Variants in ILRUN observed in about 807,000 individuals in gnomAD.
ILRUN encodes the protein inflammation and lipid regulator with UBA-like and NBR1-like domains.
Under a neutral mutation model 33.8 loss-of-function variants are expected in ILRUN, and 3 were observed. The ratio of observed to expected loss-of-function variants is 0.09; its 90% CI spans 0.04 to 0.23. The LOEUF is 0.23. Among genes scored for constraint, ILRUN ranks in the 10% least tolerant of loss-of-function variants. The pLI, the probability that ILRUN is intolerant of heterozygous loss-of-function variation, is 1.00. For missense variants in ILRUN, 210 were observed against 375.1 expected, an observed-to-expected ratio of 0.56 and a Z score of 3.64; for synonymous variants, 124 against 138.9, an observed-to-expected ratio of 0.89 and a Z score of 0.75.
At chr6:34,675,965 G>A (rs945596210) in intron 1 of ILRUN, among the ~76,000 whole-genome samples, 1 of 152,140 alleles carries the variant, frequency 6.6e-6, no homozygotes, top group Non-Finnish European at 1.5e-5. Flanking sequence ...TAAGAGTGTA[G>A]CAAAACTCTT....
rs181430984 is a variant in ILRUN at position 34,598,844 on chromosome 6, G to A, written c.861+7711C>T. 1.2e-3 allele frequency among the ~76,000 whole-genome samples: 180 copies of A among 152,290 alleles called. 1 individual carries two copies. Among genetic ancestry groups the A allele is most frequent in the Non-Finnish European group, 2.0e-3 (137 of 68,036 alleles). On this transcript the variant is annotated intron_variant, in intron 4 of 4. Transcript: ENST00000374023. ...CCAATGTAAACACCAGCAAGGCTGCGAGGACTTTACTGGCTCTTCTGGGTT... is the reference window on the plus strand; with the variant it reads ...CCAATGTAAACACCAGCAAGGCTGCAAGGACTTTACTGGCTCTTCTGGGTT...
At chr6:34,663,363 C>G (rs563350946) in intron 1 of ILRUN, among the ~76,000 whole-genome samples, 1 of 152,270 alleles carries the variant, frequency 6.6e-6, no homozygotes, top group Non-Finnish European at 1.5e-5. Flanking sequence ...GTTGAGGCTG[C>G]AGTGAGCTAT....
intron 1 of ILRUN, among the ~76,000 whole-genome samples, chr6:34,680,493 C>A (rs1763336544): frequency 6.6e-6 from 1 of 151,974 alleles, no homozygotes; most frequent in Admixed American, 6.6e-5. Context: ...GAGACAGAGT[C>A]TCGCTCTGCT....
intron 1 of ILRUN, among the ~76,000 whole-genome samples, chr6:34,676,294 G>A (rs901193295): frequency 1.3e-5 from 2 of 151,918 alleles, no homozygotes; most frequent in Non-Finnish European, 2.9e-5. Context: ...AGCTACTAGG[G>A]AGGCTGAGGC....
chr6:34,667,782 T>C (rs1763034904), intron 1 of ILRUN, among the ~76,000 whole-genome samples: 1 of 152,180 alleles, frequency 6.6e-6, no homozygotes, highest in Non-Finnish European at 1.5e-5. Context: ...ACACTCCGAC[T>C]GGCATAAACT....
rs1763779081 is a variant in ILRUN at position 34,696,445 on chromosome 6, C to T, written c.158+1G>A. 1 of 1,563,156 alleles carries T rather than the reference C, an allele frequency of 6.4e-7. No homozygotes were observed. The highest frequency in any genetic ancestry group is 1.4e-5 in the African/African-American group (1 of 73,576). On this transcript the variant is annotated splice_donor_variant, in intron 1 of 4. Coordinates refer to ENST00000374023, the MANE Select transcript of ILRUN (RefSeq NM_024294.4). LOFTEE classifies it high-confidence loss of function. ...GCGCTGGCACTGCGGGGCCGGCTCA[C>T]CAGTTGGTCATGTCCAGGAAGAAGG...
intron 4 of ILRUN, among the ~76,000 whole-genome samples, chr6:34,593,631 T>G (rs1000328324): frequency 6.6e-6 from 1 of 152,210 alleles, no homozygotes; most frequent in African/African-American, 2.4e-5. Flanking sequence ...AGCTACCTAA[T>G]TCTCTTTCAC....
chr6:34,687,844 A>G (rs1411592472), intron 1 of ILRUN, among the ~76,000 whole-genome samples: 1 of 151,950 alleles, frequency 6.6e-6, no homozygotes, highest in East Asian at 1.9e-4. Flanking sequence ...GGAATGTAAA[A>G]TGATTCAGCC....
At chr6:34,648,273 G>C (rs980288376) in intron 2 of ILRUN, among the ~76,000 whole-genome samples, 3 of 152,128 alleles carry the variant, frequency 2.0e-5, no homozygotes, top group African/African-American at 7.2e-5. Flanking sequence ...GAGGGTGCTT[G>C]TCATTTATCT....
chr6:34,607,582 G>T lies in ILRUN; in HGVS notation c.512-678C>A, dbSNP rs1761661681. Among the ~76,000 whole-genome samples the T allele has an allele frequency of 2.0e-5, 3 of 152,134 alleles. No homozygotes were observed. The South Asian group carries it at 6.2e-4, about 32-fold the overall frequency. ...GTCATACAGTCATGCATTGCTTAATGAAGAAGATATGTTCTGAGAAATGTA... is the reference window on the plus strand; with the variant it reads ...GTCATACAGTCATGCATTGCTTAATTAAGAAGATATGTTCTGAGAAATGTA... On this transcript the variant is annotated intron_variant, in intron 3 of 4. Transcript: ENST00000374023.
chr6:34,665,627 T>G lies in ILRUN; in HGVS notation c.159-10848A>C, dbSNP rs557938789. On this transcript the variant is annotated intron_variant, in intron 1 of 4. Transcript: ENST00000374023. ...TAATTATAATAGAGATAGGGTCTTG[T>G]TACATTTCACAGGCTGGTTTCGAAC... Among the ~76,000 whole-genome samples the G allele has an allele frequency of 4.6e-5, 7 of 152,142 alleles. No individual in the cohort carries two copies. The South Asian group carries it at 1.5e-3, about 32-fold the overall frequency.
chr6:34,595,387 A>G (rs205262), intron 4 of ILRUN, among the ~76,000 whole-genome samples: 56,860 of 152,128 alleles, frequency 0.37, 12,929 homozygotes, highest in African/African-American at 0.65. Flanking sequence ...ACAGGCAATC[A>G]TTCCATTTCA....
chr6:34,644,325 C>G lies in ILRUN; in HGVS notation c.511+2276G>C, dbSNP rs572810381. On this transcript the variant is annotated intron_variant, in intron 3 of 4. Coordinates refer to ENST00000374023, the MANE Select transcript of ILRUN (RefSeq NM_024294.4). The stretch of plus-strand genomic sequence containing the variant: ...ATTTACTAAGTAGCTATTCTCCATT[C>G]TGCATTAAGCTCAACATTTTTGAGT... 1.1e-3 allele frequency among the ~76,000 whole-genome samples: 167 copies of G among 152,258 alleles called. 1 individual carries two copies. Among genetic ancestry groups the G allele is most frequent in the African/African-American group, 3.8e-3 (158 of 41,532 alleles).
chr6:34,590,367 G>C lies in ILRUN; in HGVS notation c.*198C>G, dbSNP rs1761271136. Reference sequence around the variant, plus strand: ...TCTTGGTAGCCTCAACACCATTCCTGTGATTCAGCATTCACACATGCATAC... The same window carrying C: ...TCTTGGTAGCCTCAACACCATTCCTCTGATTCAGCATTCACACATGCATAC... On this transcript the variant is annotated 3_prime_UTR_variant, in exon 5 of 5. Transcript: ENST00000374023. 1 of 569,956 alleles carries C rather than the reference G, an allele frequency of 1.8e-6. No individual in the cohort carries two copies. The highest frequency in any genetic ancestry group is 1.9e-5 in the African/African-American group (1 of 53,612). The allele number at this position is 569,956 out of a possible 1,614,324, so 35.3% of individuals were successfully genotyped here.
intron 3 of ILRUN, among the ~76,000 whole-genome samples, chr6:34,624,068 G>C (rs1287578565): frequency 6.6e-6 from 1 of 152,156 alleles, no homozygotes; most frequent in Non-Finnish European, 1.5e-5. Context: ...CTGACCTCAA[G>C]TGTTTGGCCC....
rs200840957 is a variant in ILRUN at position 34,677,947 on chromosome 6, C to CAAAA, written c.158+18495_158+18498dup. ...GTGAGTGACAGTGAGATCCTGCCTC[C>CAAAA]AAAAAAAAAAAAAAAAAAAAAAGTG... On this transcript the variant is annotated intron_variant, in intron 1 of 4. Coordinates refer to ENST00000374023, the MANE Select transcript of ILRUN (RefSeq NM_024294.4). 1.7e-3 allele frequency among the ~76,000 whole-genome samples: 126 copies of CAAAA among 74,292 alleles called. 2 individuals are homozygous for CAAAA. The highest frequency in any genetic ancestry group is 5.5e-3 in the African/African-American group (106 of 19,426). 48.7% of individuals were successfully genotyped at this position (74,292 alleles called of 152,430 possible).
At chr6:34,665,140 C>CTT (rs752441367) in intron 1 of ILRUN, among the ~76,000 whole-genome samples, 7 of 141,224 alleles carry the variant, frequency 5.0e-5, no homozygotes, top group Middle Eastern at 7.2e-3. Context: ...CTCATCTTAT[C>CTT]TTTTTTTTTT....
chr6:34,669,606 A>C (rs1298563091), intron 1 of ILRUN, among the ~76,000 whole-genome samples: 1 of 152,198 alleles, frequency 6.6e-6, no homozygotes, highest in Non-Finnish European at 1.5e-5. Context: ...ATTAAATATT[A>C]ATTACATGAA....
intron 4 of ILRUN, among the ~76,000 whole-genome samples, chr6:34,593,519 C>T (rs1705667143): frequency 1.3e-5 from 2 of 152,170 alleles, no homozygotes; most frequent in Admixed American, 6.5e-5. Context: ...CCTTTGAGTG[C>T]CCTGGCCTTC....
Sources: allele counts gnomAD v4.1 joint callset (sites outside exome capture counted in the v4.1 genomes callset), GRCh38; gene constraint gnomAD v4.1.1; transcripts MANE v1.5; gene names NCBI Gene and HGNC (gene_info 2026-07-23, HGNC 2026-07-21).